Variants in CKAP5 observed in about 807,000 individuals in gnomAD.
CKAP5 encodes cytoskeleton-associated protein 5.
CKAP5 carries 27 observed loss-of-function variants against 232.8 expected under a neutral mutation model. The observed-to-expected ratio is 0.12, with a 90% CI of 0.09 to 0.16. CKAP5 has a LOEUF of 0.16. Among genes scored for constraint, CKAP5 ranks in the 10% least tolerant of loss-of-function variants. CKAP5 has a pLI of 1.00. For synonymous variants in CKAP5, 785 were observed against 841.1 expected, an observed-to-expected ratio of 0.93 and a Z score of 1.16; for missense variants, 1,838 against 2,424.7, an observed-to-expected ratio of 0.76 and a Z score of 5.08.
chr11:46,791,142 A>G (rs925262512), intron 13 of CKAP5, among the ~76,000 whole-genome samples: 1 of 152,144 alleles, frequency 6.6e-6, no homozygotes, highest in Non-Finnish European at 1.5e-5. Context: ...TTTAGAATTA[A>G]TGAGATAAAT....
chr11:46,845,993 G>A (rs895994644), intron 1 of CKAP5, among the ~76,000 whole-genome samples: 3 of 151,656 alleles, frequency 2.0e-5, no homozygotes, highest in African/African-American at 7.3e-5. Context: ...GCCACCTGGA[G>A]CCCAACCCCG....
rs369366613 is a variant in CKAP5, at chr11:46,821,421, C to CTTTTTT, written c.-37-159_-37-154dup. Among the ~76,000 whole-genome samples, 56 of 105,182 alleles carry CTTTTTT rather than the reference C, an allele frequency of 5.3e-4. 1 individual carries two copies. The highest frequency in any genetic ancestry group is 1.8e-3 in the East Asian group (6 of 3,406). 69.0% of individuals were successfully genotyped at this position (105,182 alleles called of 152,430 possible). A position where few individuals can be genotyped will look rare whatever the true frequency, so the allele number is the denominator to read the frequency against. Reference sequence around the variant, plus strand: ...TCCCCACTTAATTCAATTAACAGGACTTTTTTTTTTTTTTTTTTTTTGAGA... The same window carrying CTTTTTT: ...TCCCCACTTAATTCAATTAACAGGACTTTTTTTTTTTTTTTTTTTTTTTTTTTGAGA... On this transcript the variant is annotated intron_variant, in intron 1 of 43. Transcript: ENST00000529230.
chr11:46,820,677 C>T (rs1939505391), intron 2 of CKAP5: 1 of 151,976 alleles, frequency 6.6e-6, no homozygotes, highest in African/African-American at 2.4e-5. Context: ...GGATGCCCAC[C>T]AAATAATGAC....
At chr11:46,807,923 G>A in intron 8 of CKAP5, 108 bp downstream of exon 8, 1 of 710,800 alleles carries the variant, frequency 1.4e-6, no homozygotes, top group Non-Finnish European at 2.4e-6. Flanking sequence ...AATACCATCA[G>A]TAATGTTCCT....
chr11:46,809,655 A>C, intron 6 of CKAP5, 87 bp downstream of exon 6: 1 of 1,503,588 alleles, frequency 6.7e-7, no homozygotes, highest in Non-Finnish European at 9.2e-7. Flanking sequence ...AGGCAATCCT[A>C]CAAAATATGC....
At chr11:46,747,289 G>A (rs1355588856) in intron 42 of CKAP5, among the ~76,000 whole-genome samples, 1 of 152,064 alleles carries the variant, frequency 6.6e-6, no homozygotes, top group Non-Finnish European at 1.5e-5. Context: ...GTGGGGTGAG[G>A]GATAGGTTGC....
At chr11:46,764,131 C>T (rs966734893) in intron 28 of CKAP5, among the ~76,000 whole-genome samples, 2 of 152,082 alleles carry the variant, frequency 1.3e-5, no homozygotes, top group African/African-American at 4.8e-5. Flanking sequence ...AGCCACTGTG[C>T]CTGGCCTTGC....
At chr11:46,796,563 T>C (rs1938881415) in intron 12 of CKAP5, among the ~76,000 whole-genome samples, 1 of 152,184 alleles carries the variant, frequency 6.6e-6, no homozygotes. Context: ...TGAAATAAAT[T>C]TCCTGAGGTG....
At chr11:46,763,233 T>C (rs574430055) in intron 29 of CKAP5, 54 bp from the exon 30 acceptor site, 4 of 1,380,328 alleles carry the variant, frequency 2.9e-6, no homozygotes, top group Non-Finnish European at 4.0e-6. Flanking sequence ...AAAATCTTAA[T>C]TCTACTAGGC....
At chr11:46,829,838 ATGTGTGTGTGTGTGTG>A (rs57602333) in intron 1 of CKAP5, among the ~76,000 whole-genome samples, 79 of 143,130 alleles carry the variant, frequency 5.5e-4, no homozygotes, top group East Asian at 3.0e-3. Flanking sequence ...CCTTTTTTGT[ATGTGTGTGTGTGTGTG>A]TGTGTGTGTG....
In CKAP5 at chr11:46,754,966, G is replaced by A; in HGVS notation, c.4791C>T (p.Asn1597=). The change falls in exon 36 of 44, where the codon AAC becomes AAT. Residue 1597 remains asparagine (N), a synonymous_variant. Coordinates refer to ENST00000529230, the MANE Select transcript of CKAP5 (RefSeq NM_001008938.4). The stretch of plus-strand genomic sequence containing the variant: ...CCAATTTCTCATCTGCCATGTGTGT[G>A]TTGTAGATGAGTCTTAGCTGCATAA... The part of the protein sequence containing the change: ...ATFMQLRLIY[N]THMADEKLEK... 6.2e-7 allele frequency: 1 copy of A among 1,613,786 alleles called. No homozygotes were observed. Among genetic ancestry groups the A allele is most frequent in the East Asian group, 2.2e-5 (1 of 44,874 alleles).
At chr11:46,757,891 T>A (rs1180191756) in intron 35 of CKAP5, among the ~76,000 whole-genome samples, 1 of 150,308 alleles carries the variant, frequency 6.7e-6, no homozygotes, top group African/African-American at 2.4e-5. Flanking sequence ...TGGCCTATTT[T>A]TTTTTTTTTT....
At chr11:46,791,344 G>T (rs1401551035) in intron 13 of CKAP5, among the ~76,000 whole-genome samples, 1 of 151,256 alleles carries the variant, frequency 6.6e-6, no homozygotes, top group Non-Finnish European at 1.5e-5. Flanking sequence ...TGACCTCCTG[G>T]GCTTAAGCGA....
intron 1 of CKAP5, among the ~76,000 whole-genome samples, chr11:46,841,098 G>A (rs187581425): frequency 3.2e-3 from 493 of 152,124 alleles, no homozygotes; most frequent in African/African-American, 0.011. Flanking sequence ...GAGAAACCCC[G>A]TCTCTACTAA....
chr11:46,754,960 G>A lies in CKAP5; in HGVS notation c.4797C>T (p.His1599=). The part of the protein sequence containing the change: ...FMQLRLIYNT[H]MADEKLEKDE... ...CCTTCTCCAATTTCTCATCTGCCAT[G>A]TGTGTGTTGTAGATGAGTCTTAGCT... The change falls in exon 36 of 44, where the codon CAC becomes CAT. Residue 1599 remains histidine, a synonymous_variant. Transcript: ENST00000529230. The A allele has an allele frequency of 6.2e-7, 1 of 1,613,744 alleles. No individual in the cohort carries two copies.
chr11:46,844,055 T>C (rs1592497304), intron 1 of CKAP5, among the ~76,000 whole-genome samples: 1 of 152,044 alleles, frequency 6.6e-6, no homozygotes. Context: ...ACCCTGTCTC[T>C]ACTAAAAATA....
chr11:46,763,652 A>C, intron 28 of CKAP5, 22 bp from the exon 29 acceptor site: 1 of 1,517,224 alleles, frequency 6.6e-7, no homozygotes, highest in Non-Finnish European at 8.8e-7. Flanking sequence ...AAACGGTGAA[A>C]AGGGGCTACA....
chr11:46,820,890 T>C (rs1261516962), intron 2 of CKAP5: 2 of 265,296 alleles, frequency 7.5e-6, no homozygotes, highest in Admixed American at 1.0e-4. Flanking sequence ...AGAAGTATAT[T>C]GTACTGTATA....
chr11:46,822,741 C>CCAAAAAAAA (rs1939566354), intron 1 of CKAP5, among the ~76,000 whole-genome samples: 2 of 77,874 alleles, frequency 2.6e-5, no homozygotes, highest in African/African-American at 1.0e-4. Flanking sequence ...GACTCCGTCC[C>CCAAAAAAAA]AAAAAAAAAA....
Sources: allele counts gnomAD v4.1 joint callset (sites outside exome capture counted in the v4.1 genomes callset), GRCh38; gene constraint gnomAD v4.1.1; transcripts MANE v1.5; gene names NCBI Gene and HGNC (gene_info 2026-07-23, HGNC 2026-07-21).